LRP1B: variants seen among roughly 807,000 people sequenced by gnomAD.
LRP1B encodes the protein LDL receptor related protein 1B.
A neutral mutation model predicts 556.6 loss-of-function variants in LRP1B; 217 were observed. The ratio of observed to expected loss-of-function variants is 0.39; its 90% CI spans 0.35 to 0.44. The LOEUF is 0.44. Ranked by LOEUF, LRP1B falls within the 20% of genes least tolerant of loss-of-function variation. The probability of loss-of-function intolerance (pLI) is 1.00; values close to 1 mark genes in which losing one functional copy is unlikely to be tolerated. For missense variants in LRP1B, 5,053 were observed against 5,620.8 expected (o/e 0.90, Z 3.23); for synonymous variants, 2,047 against 1,865.8 (o/e 1.10, Z -2.50).
intron 21 of LRP1B, among the ~76,000 whole-genome samples, chr2:140,919,006 T>C (rs1010945553): frequency 2.6e-5 from 4 of 152,048 alleles, no homozygotes; most frequent in Non-Finnish European, 2.9e-5. Context: ...TTAGTCATTT[T>C]GGGAGTAATA....
chr2:141,086,382 A>G (rs1029435146), intron 7 of LRP1B, among the ~76,000 whole-genome samples: 2 of 152,180 alleles, frequency 1.3e-5, no homozygotes, highest in African/African-American at 4.8e-5. Flanking sequence ...TAATTACATT[A>G]ATTTCACTTC....
At chr2:142,044,890 C>T (rs758162799) in intron 1 of LRP1B, among the ~76,000 whole-genome samples, 34 of 151,700 alleles carry the variant, frequency 2.2e-4, no homozygotes, top group Non-Finnish European at 2.7e-4. Flanking sequence ...ATGCTAATAT[C>T]CATACCTTGC....
intron 75 of LRP1B, among the ~76,000 whole-genome samples, chr2:140,354,722 C>A (rs1682131447): frequency 6.6e-6 from 1 of 151,928 alleles, no homozygotes; most frequent in Non-Finnish European, 1.5e-5. Context: ...GGATCATGAG[C>A]TTTTGAAGGG....
intron 6 of LRP1B, among the ~76,000 whole-genome samples, chr2:141,206,548 C>G (rs1234643675): frequency 6.6e-6 from 1 of 151,904 alleles, no homozygotes; most frequent in Non-Finnish European, 1.5e-5. Flanking sequence ...GATCGTGCCA[C>G]TGCACTCCAG....
At chr2:142,096,786 C>T (rs1049421397) in intron 1 of LRP1B, among the ~76,000 whole-genome samples, 2 of 151,438 alleles carry the variant, frequency 1.3e-5, no homozygotes, top group Admixed American at 6.6e-5. Context: ...TGGTATATTG[C>T]ATAATGATGA....
intron 1 of LRP1B, among the ~76,000 whole-genome samples, chr2:142,099,008 A>G (rs920476829): frequency 2.0e-5 from 3 of 151,854 alleles, no homozygotes; most frequent in African/African-American, 7.2e-5. Flanking sequence ...ATGATTCTTC[A>G]ATAAATGGAC....
intron 2 of LRP1B, among the ~76,000 whole-genome samples, chr2:141,584,809 T>C (rs552728070): frequency 3.9e-5 from 6 of 152,318 alleles, no homozygotes; most frequent in Non-Finnish European, 5.9e-5. Flanking sequence ...AAAAATGATG[T>C]ATAATTCCAT....
At chr2:141,590,738 G>T (rs1032266808) in intron 2 of LRP1B, among the ~76,000 whole-genome samples, 1 of 152,068 alleles carries the variant, frequency 6.6e-6, no homozygotes, top group African/African-American at 2.4e-5. Flanking sequence ...AATCAGAGGA[G>T]GTATTTTATT....
At chr2:140,976,503 C>CTTTTTTTTT (rs1216208854) in intron 18 of LRP1B, among the ~76,000 whole-genome samples, 9 of 105,356 alleles carry the variant, frequency 8.5e-5, no homozygotes, top group African/African-American at 1.2e-4. Context: ...TTTTTTTTTC[C>CTTTTTTTTT]TTTTTTTTTT....
At chr2:141,186,897 G>A (rs1306458711) in intron 7 of LRP1B, among the ~76,000 whole-genome samples, 1 of 151,976 alleles carries the variant, frequency 6.6e-6, no homozygotes, top group Non-Finnish European at 1.5e-5. Context: ...TTTTAAGAAT[G>A]GGGAAGGATA....
intron 2 of LRP1B, among the ~76,000 whole-genome samples, chr2:141,745,649 C>T (rs1574313079): frequency 1.3e-5 from 2 of 151,650 alleles, no homozygotes; most frequent in East Asian, 4.0e-4. Context: ...CTGGGTACTC[C>T]AAGATCCTGC....
At chr2:140,858,823 G>A (rs141379589) in intron 27 of LRP1B, among the ~76,000 whole-genome samples, 2,451 of 152,026 alleles carry the variant, frequency 0.016, 68 homozygotes, top group African/African-American at 0.055. Flanking sequence ...TTATAAGTGC[G>A]AATATGTGGT....
At chr2:141,081,186 C>G (rs960372944) in intron 7 of LRP1B, among the ~76,000 whole-genome samples, 6 of 152,086 alleles carry the variant, frequency 3.9e-5, no homozygotes, top group African/African-American at 1.4e-4. Context: ...GATTCTGGAA[C>G]AGTTCAGGTC....
intron 3 of LRP1B, among the ~76,000 whole-genome samples, chr2:141,261,906 G>A (rs1254407182): frequency 6.6e-6 from 1 of 151,894 alleles, no homozygotes; most frequent in Non-Finnish European, 1.5e-5. Flanking sequence ...GGTAAATATG[G>A]GATTTCTGGG....
At chr2:141,562,659 C>T (rs1160430918) in intron 2 of LRP1B, among the ~76,000 whole-genome samples, 1 of 151,928 alleles carries the variant, frequency 6.6e-6, no homozygotes, top group Non-Finnish European at 1.5e-5. Context: ...GCTGGCTTCA[C>T]TCCGTAAAAC....
chr2:141,022,243 G>A (rs1328236366), intron 11 of LRP1B, among the ~76,000 whole-genome samples: 2 of 151,302 alleles, frequency 1.3e-5, no homozygotes, highest in African/African-American at 4.8e-5. Context: ...AGTAATAAAG[G>A]AATTAGCCTA....
chr2:141,684,395 T>C (rs1691218111), intron 2 of LRP1B, among the ~76,000 whole-genome samples: 1 of 151,842 alleles, frequency 6.6e-6, no homozygotes, highest in Non-Finnish European at 1.5e-5. Context: ...TAAGTGGAAG[T>C]TGAACAATGA....
chr2:140,485,664 C>T lies in LRP1B; in HGVS notation c.9244-140G>A, dbSNP rs147132831. ...CTTAGATAAGAAGAGAATAATTGAC[C>T]GCAATACAATTACTTACTTGTTTGT... On this transcript the variant is annotated intron_variant, in intron 58 of 90. Coordinates refer to ENST00000389484, the MANE Select transcript of LRP1B (RefSeq NM_018557.3). 887 of 577,366 alleles carry T rather than the reference C, an allele frequency of 1.5e-3. 6 individuals are homozygous for T. In the African/African-American group the frequency reaches 0.016, roughly 10 times the overall value. 35.8% of individuals were successfully genotyped at this position (577,366 alleles called of 1,614,324 possible).
At chr2:140,405,682 A>C (rs1157514625) in intron 66 of LRP1B, among the ~76,000 whole-genome samples, 1 of 152,156 alleles carries the variant, frequency 6.6e-6, no homozygotes, top group Non-Finnish European at 1.5e-5. Flanking sequence ...GACCAATAAC[A>C]AGCTGTGAGA....
Sources: gnomAD v4.1 joint callset for allele counts (sites outside exome capture counted in the v4.1 genomes callset) on GRCh38, gnomAD v4.1.1 for gene constraint, MANE v1.5 for transcripts, NCBI Gene and HGNC (gene_info 2026-07-23, HGNC 2026-07-21) for gene names.